Variants in KCNN2 observed in about 807,000 individuals in gnomAD.
KCNN2 encodes small conductance calcium-activated potassium channel protein 2.
In KCNN2, 24 loss-of-function variants were observed where a neutral mutation model predicts 55.5. The ratio of observed to expected loss-of-function variants is 0.43; its 90% CI spans 0.31 to 0.61. The LOEUF is 0.61. Among genes scored for constraint, KCNN2 ranks in the 20% least tolerant of loss-of-function variants. The pLI is 0.08. For missense variants in KCNN2, 754 were observed against 853.6 expected (o/e 0.88, Z 1.45); for synonymous variants, 431 against 336.1 (o/e 1.28, Z -3.09).
intron 2 of KCNN2, among the ~76,000 whole-genome samples, chr5:114,371,803 C>T (rs1757765703): frequency 6.6e-6 from 1 of 152,126 alleles, no homozygotes; most frequent in South Asian, 2.1e-4. Context: ...TGTTGAATTT[C>T]CTCTTCAAAT....
intron 1 of KCNN2, among the ~76,000 whole-genome samples, chr5:114,157,887 T>C (rs1429099575): frequency 6.6e-6 from 1 of 151,876 alleles, no homozygotes; most frequent in Non-Finnish European, 1.5e-5. Flanking sequence ...GAGTTCATTG[T>C]AGATTCTGGA....
At chr5:114,215,308 A>G (rs1269680515) in intron 1 of KCNN2, among the ~76,000 whole-genome samples, 1 of 152,152 alleles carries the variant, frequency 6.6e-6, no homozygotes, top group Non-Finnish European at 1.5e-5. Flanking sequence ...GAATAATAAG[A>G]AAATTTCTAA....
chr5:114,471,452 C>A (rs1408955261), intron 4 of KCNN2, among the ~76,000 whole-genome samples: 1 of 152,126 alleles, frequency 6.6e-6, no homozygotes, highest in Non-Finnish European at 1.5e-5. Flanking sequence ...CATTTTTTTA[C>A]TGAAATATTT....
chr5:114,383,396 A>C (rs1424014201), intron 2 of KCNN2, among the ~76,000 whole-genome samples: 2 of 151,880 alleles, frequency 1.3e-5, no homozygotes, highest in African/African-American at 4.8e-5. Context: ...CTGGGTGTGA[A>C]TATGGTCTTA....
At chr5:114,138,690 A>G (rs1752217447) in intron 1 of KCNN2, among the ~76,000 whole-genome samples, 1 of 152,218 alleles carries the variant, frequency 6.6e-6, no homozygotes, top group South Asian at 2.1e-4. Context: ...AGAAACTTTA[A>G]GAAATGCAGA....
At chr5:114,315,358 T>A (rs1388782616) in intron 2 of KCNN2, among the ~76,000 whole-genome samples, 1 of 151,732 alleles carries the variant, frequency 6.6e-6, no homozygotes, top group African/African-American at 2.4e-5. Context: ...ACAAGTGTAA[T>A]GCCTAGCATG....
chr5:114,289,088 G>C (rs1689353709), intron 2 of KCNN2, among the ~76,000 whole-genome samples: 1 of 152,092 alleles, frequency 6.6e-6, no homozygotes, highest in Non-Finnish European at 1.5e-5. Flanking sequence ...AGCACCATTT[G>C]TTGGGAAGAT....
chr5:114,452,602 C>CTGGGG (rs1309388098), intron 3 of KCNN2, among the ~76,000 whole-genome samples: 1 of 152,178 alleles, frequency 6.6e-6, no homozygotes, highest in African/African-American at 2.4e-5. Flanking sequence ...GACTAGATAG[C>CTGGGG]ACATTAAAAT....
intron 2 of KCNN2, among the ~76,000 whole-genome samples, chr5:114,338,644 C>G (rs1324464365): frequency 6.6e-6 from 1 of 152,122 alleles, no homozygotes. Flanking sequence ...CAGAATCAGC[C>G]CACAGAAATG....
chr5:114,460,945 A>G (rs1456316894), intron 3 of KCNN2, among the ~76,000 whole-genome samples: 1 of 152,152 alleles, frequency 6.6e-6, no homozygotes, highest in Non-Finnish European at 1.5e-5. Context: ...CTCTTTACAG[A>G]CCATTCTTAC....
chr5:114,453,535 G>T (rs192445131), intron 3 of KCNN2, among the ~76,000 whole-genome samples: 5 of 152,306 alleles, frequency 3.3e-5, no homozygotes, highest in Admixed American at 2.6e-4. Context: ...TCCCTTTAGA[G>T]ATAGATGTGT....
intron 1 of KCNN2, among the ~76,000 whole-genome samples, chr5:114,188,774 G>A (rs1385229084): frequency 6.6e-6 from 1 of 152,076 alleles, no homozygotes; most frequent in Non-Finnish European, 1.5e-5. Flanking sequence ...TCATCATGTT[G>A]AAAATTATTA....
intron 2 of KCNN2, among the ~76,000 whole-genome samples, chr5:114,310,039 T>C (rs1756364971): frequency 6.6e-6 from 1 of 152,230 alleles, no homozygotes; most frequent in African/African-American, 2.4e-5. Context: ...CTTAAAACTT[T>C]TTGTGCCTCT....
intron 1 of KCNN2, among the ~76,000 whole-genome samples, chr5:114,157,851 T>G (rs1053172773): frequency 1.1e-4 from 17 of 148,398 alleles, no homozygotes; most frequent in Admixed American, 5.4e-4. Flanking sequence ...TTTGATGGGG[T>G]TTTTTTTTTT....
intron 4 of KCNN2, among the ~76,000 whole-genome samples, chr5:114,464,819 AACG>A (rs386691317): frequency 2.8e-5 from 2 of 72,668 alleles, no homozygotes; most frequent in Non-Finnish European, 5.7e-5. Context: ...TAAAAAAAAA[AACG>A]GTATGCTGCA....
intron 6 of KCNN2, among the ~76,000 whole-genome samples, chr5:114,490,989 G>A (rs1470083257): frequency 6.6e-6 from 1 of 152,130 alleles, no homozygotes; most frequent in Non-Finnish European, 1.5e-5. Flanking sequence ...ATTACAGGCA[G>A]TATAAGAAAC....
intron 2 of KCNN2, among the ~76,000 whole-genome samples, chr5:114,345,176 T>C (rs1757084274): frequency 6.6e-6 from 1 of 152,178 alleles, no homozygotes; most frequent in South Asian, 2.1e-4. Flanking sequence ...TTCATATAGA[T>C]ACATTTCCAA....
rs558239519 is a variant in KCNN2 at position 114,362,389 on chromosome 5, G to C, written c.250G>C (p.Asp84His). The change falls in exon 1 of 8, where the codon GAT becomes CAT. Residue 84 changes from aspartate (D) to histidine (H), a missense_variant. Asp to His is a moderately conservative substitution (Grantham distance 81). Transcript: ENST00000673685. The stretch of plus-strand genomic sequence containing the variant: ...CGGTGCCCCGGCGGCGGGGGCGGGA[G>C]ATAACCTGTCCCTGCTGCTCCGCAC... ...SSGAPAAGAG[D>H]NLSLLLRTSS... The C allele has an allele frequency of 1.2e-5, 3 of 244,522 alleles. No homozygotes were observed. Among genetic ancestry groups the C allele is most frequent in the African/African-American group, 6.8e-5 (3 of 44,188 alleles). The allele number at this position is 244,522 out of a possible 1,614,324, so 15.1% of individuals were successfully genotyped here.
At chr5:114,264,227 A>G (rs1461003320) in intron 2 of KCNN2, among the ~76,000 whole-genome samples, 1 of 152,162 alleles carries the variant, frequency 6.6e-6, no homozygotes, top group Non-Finnish European at 1.5e-5. Context: ...TGTTCTTCAT[A>G]CATGAGATGT....
Sources: allele counts gnomAD v4.1 joint callset (sites outside exome capture counted in the v4.1 genomes callset), GRCh38; gene constraint gnomAD v4.1.1; transcripts MANE v1.5; gene names NCBI Gene and HGNC (gene_info 2026-07-23, HGNC 2026-07-21).